Variants in NEK1 observed in about 807,000 individuals in gnomAD.
NEK1 encodes NIMA related kinase 1.
In NEK1, 137 loss-of-function variants were observed where a neutral mutation model predicts 182.1. The observed-to-expected ratio is 0.75, with a 90% CI of 0.65 to 0.87. The LOEUF (loss-of-function observed/expected upper bound fraction) is 0.87. NEK1 is among the 40% of genes least tolerant of loss of function. The pLI, the probability that NEK1 is intolerant of heterozygous loss-of-function variation, is 0.00. For synonymous variants in NEK1, 513 were observed against 492.2 expected (o/e 1.04, Z -0.56); for missense variants, 1,391 against 1,494.4 (o/e 0.93, Z 1.14).
chr4:169,556,757 C>T (rs1313415259), intron 16 of NEK1, among the ~76,000 whole-genome samples: 1 of 143,188 alleles, frequency 7.0e-6, no homozygotes, highest in African/African-American at 2.6e-5. Context: ...AAAAAAAAAT[C>T]AACAGTAAAA....
intron 26 of NEK1, 53 bp from the exon 27 acceptor site, chr4:169,463,448 G>A: frequency 7.6e-7 from 1 of 1,315,564 alleles, no homozygotes; most frequent in Non-Finnish European, 1.0e-6. Flanking sequence ...TAATAATACT[G>A]CATGGTAAGG....
intron 16 of NEK1, 25 bp from the exon 17 acceptor site, chr4:169,556,120 A>T (rs1251365177): frequency 6.3e-7 from 1 of 1,598,726 alleles, no homozygotes; most frequent in South Asian, 1.1e-5. Flanking sequence ...AAGAGCTCTC[A>T]CATGTTTATC....
intron 15 of NEK1, 61 bp downstream of exon 15, chr4:169,561,626 A>G: frequency 1.9e-6 from 3 of 1,587,694 alleles, no homozygotes; most frequent in Non-Finnish European, 2.6e-6. Flanking sequence ...ACATTTAGCA[A>G]TAAACTGAAA....
At chr4:169,521,659 A>G (rs1390094416) in intron 19 of NEK1, among the ~76,000 whole-genome samples, 1 of 152,204 alleles carries the variant, frequency 6.6e-6, no homozygotes, top group African/African-American at 2.4e-5. Flanking sequence ...GAGTGTCTTT[A>G]TTTCTACTTC....
At chr4:169,403,263 T>C (rs1486993623) in intron 32 of NEK1, among the ~76,000 whole-genome samples, 1 of 152,154 alleles carries the variant, frequency 6.6e-6, no homozygotes, top group Non-Finnish European at 1.5e-5. Flanking sequence ...TTTAACTTAA[T>C]ATATAATTAC....
At chr4:169,495,369 G>A (rs1388880212) in intron 23 of NEK1, among the ~76,000 whole-genome samples, 22 of 149,000 alleles carry the variant, frequency 1.5e-4, no homozygotes, top group African/African-American at 2.2e-4. Context: ...TCAGCCTCCC[G>A]TGTAGCTGGG....
chr4:169,515,500 C>CG (rs1755041024), intron 19 of NEK1, among the ~76,000 whole-genome samples: 1 of 141,640 alleles, frequency 7.1e-6, no homozygotes, highest in South Asian at 2.2e-4. Context: ...GCAATAACTT[C>CG]TTTTTTTTTT....
intron 18 of NEK1, among the ~76,000 whole-genome samples, chr4:169,544,387 T>C (rs1018855207): frequency 6.6e-6 from 1 of 152,174 alleles, no homozygotes; most frequent in African/African-American, 2.4e-5. Flanking sequence ...TATTGAGGAT[T>C]TTCGCAACAA....
At chr4:169,413,797 G>A (rs914105482) in intron 31 of NEK1, among the ~76,000 whole-genome samples, 1 of 152,168 alleles carries the variant, frequency 6.6e-6, no homozygotes, top group Non-Finnish European at 1.5e-5. Context: ...TGGGCAGATC[G>A]CTTGAGGTCA....
chr4:169,591,628 T>C (rs573460208), intron 5 of NEK1, among the ~76,000 whole-genome samples: 4 of 152,256 alleles, frequency 2.6e-5, no homozygotes, highest in South Asian at 4.2e-4. Flanking sequence ...GCTTAATTTC[T>C]ATCTCATTGT....
intron 2 of NEK1, among the ~76,000 whole-genome samples, chr4:169,609,435 T>C (rs1330511588): frequency 6.6e-6 from 1 of 152,218 alleles, no homozygotes; most frequent in Non-Finnish European, 1.5e-5. Flanking sequence ...TAGAGCAAAA[T>C]GTAATCATTC....
rs540771204 is a variant in NEK1, at chr4:169,574,468, G to A, written c.1020+2460C>T. Among the ~76,000 whole-genome samples, 26 of 133,130 alleles carry A rather than the reference G, an allele frequency of 2.0e-4. No homozygotes were observed. In the South Asian group the frequency reaches 3.3e-3, roughly 17 times the overall value. The allele number at this position is 133,130 out of a possible 152,430, so 87.3% of individuals were successfully genotyped here. A position where few individuals can be genotyped will look rare whatever the true frequency, so the allele number is the denominator to read the frequency against. ...AACAAAATTAGCTGGGTGTGGTGGC[G>A]GGCGCCTGTAGTCCCACAGTCCCAG... On this transcript the variant is annotated intron_variant, in intron 12 of 35. Coordinates refer to ENST00000507142, the MANE Select transcript of NEK1 (RefSeq NM_001199397.3).
At chr4:169,423,144 C>T (rs1319383290) in intron 31 of NEK1, among the ~76,000 whole-genome samples, 1 of 152,090 alleles carries the variant, frequency 6.6e-6, no homozygotes, top group South Asian at 2.1e-4. Context: ...ACTCTGTCAC[C>T]CAGGCTGGAG....
At chr4:169,504,672 AC>A (rs1752937798) in intron 23 of NEK1, among the ~76,000 whole-genome samples, 1 of 152,212 alleles carries the variant, frequency 6.6e-6, no homozygotes, top group Non-Finnish European at 1.5e-5. Context: ...ATTTGTGGAA[AC>A]TAAAAGAATT....
chr4:169,431,104 A>T (rs1737346373), intron 29 of NEK1, among the ~76,000 whole-genome samples: 1 of 152,172 alleles, frequency 6.6e-6, no homozygotes, highest in South Asian at 2.1e-4. Flanking sequence ...TGAATCACGA[A>T]CGATATCAGA....
chr4:169,494,575 T>C (rs1180554483), intron 23 of NEK1, among the ~76,000 whole-genome samples: 1 of 152,244 alleles, frequency 6.6e-6, no homozygotes, highest in Non-Finnish European at 1.5e-5. Context: ...CTTGTGTCTT[T>C]ATAGCAGCAT....
intron 27 of NEK1, among the ~76,000 whole-genome samples, chr4:169,456,879 CA>C (rs1041124979): frequency 6.6e-6 from 1 of 151,816 alleles, no homozygotes; most frequent in African/African-American, 2.4e-5. Context: ...TATTCAGCCA[CA>C]AAAAAAGAAT....
chr4:169,413,137 A>T (rs963679816), intron 31 of NEK1, among the ~76,000 whole-genome samples: 2 of 151,108 alleles, frequency 1.3e-5, no homozygotes, highest in Non-Finnish European at 2.9e-5. Context: ...TACTCCTTCA[A>T]ACTATAGTTA....
At chr4:169,592,718 A>T (rs905802889) in intron 5 of NEK1, among the ~76,000 whole-genome samples, 25 of 151,256 alleles carry the variant, frequency 1.7e-4, no homozygotes, top group African/African-American at 5.8e-4. Flanking sequence ...AAAAACTCTC[A>T]GTTCAGTTCT....
Sources: gnomAD v4.1 joint callset for allele counts (sites outside exome capture counted in the v4.1 genomes callset) on GRCh38, gnomAD v4.1.1 for gene constraint, MANE v1.5 for transcripts, NCBI Gene and HGNC (gene_info 2026-07-23, HGNC 2026-07-21) for gene names.